Variants in BDP1 observed in about 807,000 individuals in gnomAD.
The protein encoded by BDP1 is BDP1 general transcription factor IIIB subunit, also known as transcription factor TFIIIB component B'' homolog.
In BDP1, 169 loss-of-function variants were observed where a neutral mutation model predicts 266.6. The ratio of observed to expected loss-of-function variants is 0.63; its 90% CI spans 0.56 to 0.72. BDP1 has a LOEUF of 0.72. Among genes scored for constraint, BDP1 ranks in the 30% least tolerant of loss-of-function variants. The pLI is 0.00. For missense variants in BDP1, 3,015 were observed against 3,053.8 expected (o/e 0.99, Z 0.30); for synonymous variants, 1,090 against 1,022.4 (o/e 1.07, Z -1.26).
intron 36 of BDP1, among the ~76,000 whole-genome samples, chr5:71,559,427 T>A (rs1431629423): frequency 6.6e-6 from 1 of 152,184 alleles, no homozygotes; most frequent in East Asian, 1.9e-4. Flanking sequence ...GCTAAAACAC[T>A]CTCTCTGAGA....
intron 2 of BDP1, among the ~76,000 whole-genome samples, chr5:71,460,342 T>C (rs1761470882): frequency 6.6e-6 from 1 of 152,166 alleles, no homozygotes; most frequent in East Asian, 1.9e-4. Context: ...ATCGTGCCAT[T>C]GCACTCCAGC....
At chr5:71,568,797 A>C (rs4505929), downstream of BDP1, among the ~76,000 whole-genome samples, 120,246 of 152,012 alleles carry the variant, frequency 0.79, 48,048 homozygotes, top group East Asian at 0.88. Flanking sequence ...ATAATGTTAT[A>C]CATGTCACAT....
intron 25 of BDP1, among the ~76,000 whole-genome samples, chr5:71,525,428 G>T (rs1173184532): frequency 7.2e-6 from 1 of 138,790 alleles, no homozygotes; most frequent in Non-Finnish European, 1.6e-5. Context: ...GGGGCGGCTG[G>T]CCGGGCGGGG....
Position 71,553,246 on chromosome 5 carries a change from A to G in BDP1, c.7126A>G (p.Lys2376Glu). ...SRKRFQCRLDKNDHIPPAKKR... is the reference protein window; with the variant it reads ...SRKRFQCRLDENDHIPPAKKR... ...GAAGAGATTTCAATGCAGGCTTGATAAAAATGACCACATTCCTCCTGCCAA... is the reference window on the plus strand; with the variant it reads ...GAAGAGATTTCAATGCAGGCTTGATGAAAATGACCACATTCCTCCTGCCAA... The change falls in exon 35 of 39, where the codon AAA becomes GAA. Residue 2376 changes from lysine to glutamate, a missense_variant. Physicochemically the swap from Lys to Glu is moderately conservative, Grantham distance 56. Coordinates refer to ENST00000358731, the MANE Select transcript of BDP1 (RefSeq NM_018429.3). 4 of 1,613,382 alleles carry G rather than the reference A, an allele frequency of 2.5e-6. No homozygotes were observed. Among genetic ancestry groups the G allele is most frequent in the Non-Finnish European group, 3.4e-6 (4 of 1,179,940 alleles).
chr5:71,489,900 T>C (rs1295480597), intron 10 of BDP1, among the ~76,000 whole-genome samples: 2 of 152,204 alleles, frequency 1.3e-5, no homozygotes, highest in Non-Finnish European at 2.9e-5. Flanking sequence ...CTCTAAAGTT[T>C]GTTTCTAAGA....
At position 71,548,698 on chromosome 5, in the gene BDP1, T is replaced by A; in HGVS notation, c.6761T>A (p.Ile2254Asn). 6.2e-7 allele frequency: 1 copy of A among 1,608,000 alleles called. No homozygotes were observed. Among genetic ancestry groups the A allele is most frequent in the Non-Finnish European group, 8.5e-7 (1 of 1,174,982 alleles). Residue 2254 changes from isoleucine (I) to asparagine (N), a missense_variant, in exon 33 of 39, where the codon ATT becomes AAT. By Grantham distance (149) the Ile-to-Asn change is moderately radical (BLOSUM62 -3). Coordinates refer to ENST00000358731, the MANE Select transcript of BDP1 (RefSeq NM_018429.3). ...LPVPEYTPTS[I>N]PEVQQENIIN... is the part of the protein sequence containing the mutation. ...TTATGGCAGTATACACCAACAAGTA[T>A]TCCAGAAGTCCAACAAGAGAATATA...
At chr5:71,456,439 T>G (rs889857545) in intron 1 of BDP1, among the ~76,000 whole-genome samples, 7 of 152,222 alleles carry the variant, frequency 4.6e-5, no homozygotes, top group Non-Finnish European at 7.3e-5. Context: ...TGCAGGGAAG[T>G]GTTTTTGTCT....
intron 34 of BDP1, among the ~76,000 whole-genome samples, chr5:71,551,978 G>A (rs1312468469): frequency 2.7e-5 from 4 of 150,454 alleles, no homozygotes; most frequent in South Asian, 2.1e-4. Context: ...CCTCCCGGAC[G>A]GGGCGGCTGG....
intron 16 of BDP1, 91 bp from the exon 17 acceptor site, chr5:71,509,374 C>T (rs1580103744): frequency 2.2e-6 from 3 of 1,347,152 alleles, no homozygotes; most frequent in Non-Finnish European, 9.8e-7. Context: ...TTGAGAGTTT[C>T]TGGTGTTTCT....
In BDP1 at chr5:71,458,867, GA is replaced by G; in HGVS notation, c.489+14del. On this transcript the variant is annotated intron_variant, in intron 2 of 38. Transcript: ENST00000358731. ...TGAGAAAAGAGAAGGTAAGGGAGGA[GA>G]ATCAGGATTTTGATGTTGCCTTCTA... 1 of 1,596,560 alleles carries G rather than the reference GA, an allele frequency of 6.3e-7. No homozygotes were observed. The highest frequency in any genetic ancestry group is 8.5e-7 in the Non-Finnish European group (1 of 1,175,000).
At chr5:71,492,996 G>A (rs1763681820) in intron 11 of BDP1, among the ~76,000 whole-genome samples, 1 of 152,094 alleles carries the variant, frequency 6.6e-6, no homozygotes, top group African/African-American at 2.4e-5. Flanking sequence ...TCTCTAATCT[G>A]CTTTCTGTTT....
chr5:71,461,583 T>C (rs868273945), intron 2 of BDP1, among the ~76,000 whole-genome samples: 81 of 152,210 alleles, frequency 5.3e-4, no homozygotes, highest in African/African-American at 1.6e-3. Context: ...CACTGCACTT[T>C]AGCCTGGATG....
chr5:71,538,440 A>G (rs1766770373), intron 26 of BDP1, among the ~76,000 whole-genome samples: 1 of 151,714 alleles, frequency 6.6e-6, no homozygotes, highest in Non-Finnish European at 1.5e-5. Context: ...GTTCACATAG[A>G]CTCTCACCTT....
chr5:71,482,541 G>A (rs1198586443), intron 7 of BDP1, among the ~76,000 whole-genome samples: 1 of 152,160 alleles, frequency 6.6e-6, no homozygotes, highest in Non-Finnish European at 1.5e-5. Flanking sequence ...TTTATTTTGT[G>A]ATCATGGAAT....
At chr5:71,576,476 G>A in the BDP1 span, among the ~76,000 whole-genome samples, 3 of 152,162 alleles carry the variant, frequency 2.0e-5, no homozygotes, top group East Asian at 3.8e-4. Flanking sequence ...ATTAAGTCTT[G>A]GTTATATTAA....
chr5:71,505,852 C>G (rs530134510), intron 16 of BDP1, among the ~76,000 whole-genome samples: 1 of 152,308 alleles, frequency 6.6e-6, no homozygotes, highest in East Asian at 1.9e-4. Context: ...CAAAGTGAGA[C>G]AGACTCCTGT....
At chr5:71,545,309 C>A (rs1002458664) in intron 32 of BDP1, 90 bp downstream of exon 32, 2 of 1,142,978 alleles carry the variant, frequency 1.7e-6, no homozygotes, top group Non-Finnish European at 2.5e-6. Flanking sequence ...ATAAACTTCA[C>A]CTCTTTTATC....
intron 29 of BDP1, 92 bp downstream of exon 29, chr5:71,541,774 ATGCTAAT>A (rs1363353975): frequency 2.5e-6 from 2 of 806,940 alleles, no homozygotes; most frequent in East Asian, 5.6e-5. Flanking sequence ...AAAGTAGGCA[ATGCTAAT>A]TTCTTACCCT....
At chr5:71,483,028 T>A (rs1763049885) in intron 7 of BDP1, among the ~76,000 whole-genome samples, 1 of 152,194 alleles carries the variant, frequency 6.6e-6, no homozygotes, top group Non-Finnish European at 1.5e-5. Flanking sequence ...CAAGTCATAT[T>A]AGTGGTTAAG....
Sources: allele counts gnomAD v4.1 joint callset (sites outside exome capture counted in the v4.1 genomes callset), GRCh38; gene constraint gnomAD v4.1.1; transcripts MANE v1.5; gene names NCBI Gene and HGNC (gene_info 2026-07-23, HGNC 2026-07-21).